The following CTNNA3 variants were observed in gnomAD, a reference collection of about 807,000 sequenced individuals.
CTNNA3 encodes catenin alpha 3, also known as catenin alpha-3.
In CTNNA3, 76 loss-of-function variants were observed where a neutral mutation model predicts 95.7. That is an observed-to-expected ratio of 0.79 (90% CI 0.66 to 0.96). The LOEUF is 0.96. Among genes scored for constraint, CTNNA3 ranks in the 40% least tolerant of loss-of-function variants. The pLI, the probability that CTNNA3 is intolerant of heterozygous loss-of-function variation, is 0.00. For synonymous variants in CTNNA3, 431 were observed against 374.4 expected (o/e 1.15, Z -1.74); for missense variants, 1,191 against 1,089.8 (o/e 1.09, Z -1.31).
chr10:66,973,057 C>A (rs933232202), intron 7 of CTNNA3, among the ~76,000 whole-genome samples: 3 of 152,150 alleles, frequency 2.0e-5, no homozygotes, highest in Non-Finnish European at 4.4e-5. Context: ...TAGTAATACA[C>A]TTGAGGAGGG....
intron 13 of CTNNA3, among the ~76,000 whole-genome samples, chr10:66,133,461 C>T (rs570972725): frequency 3.4e-4 from 52 of 150,946 alleles, no homozygotes; most frequent in African/African-American, 1.2e-3. Flanking sequence ...TGCAGTGAGC[C>T]GAGATCACGC....
chr10:66,118,224 T>A (rs1193216575), intron 13 of CTNNA3: 2 of 152,220 alleles, frequency 1.3e-5, no homozygotes, highest in Non-Finnish European at 2.9e-5. Flanking sequence ...GCTTTCCTTA[T>A]GTCTTTGCTT....
chr10:65,997,929 C>T (rs569892988), intron 15 of CTNNA3, among the ~76,000 whole-genome samples: 10 of 152,184 alleles, frequency 6.6e-5, no homozygotes, highest in South Asian at 6.2e-4. Flanking sequence ...GCAGGAGAAT[C>T]GCTCGAACTC....
chr10:67,388,252 A>G (rs1844285549), intron 5 of CTNNA3, among the ~76,000 whole-genome samples: 1 of 126,338 alleles, frequency 7.9e-6, no homozygotes, highest in Admixed American at 8.6e-5. Flanking sequence ...CTCGAGAACT[A>G]CGTGAAGAAT....
At chr10:66,424,728 T>C (rs901967118) in intron 11 of CTNNA3, among the ~76,000 whole-genome samples, 1 of 152,106 alleles carries the variant, frequency 6.6e-6, no homozygotes, top group African/African-American at 2.4e-5. Context: ...CATAACACTG[T>C]GTGTGTGAAG....
intron 1 of CTNNA3, among the ~76,000 whole-genome samples, chr10:67,712,632 G>A (rs1841118419): frequency 6.6e-6 from 1 of 152,178 alleles, no homozygotes; most frequent in East Asian, 1.9e-4. Flanking sequence ...GCCTGCAAGT[G>A]CAGAGAAGTC....
intron 7 of CTNNA3, among the ~76,000 whole-genome samples, chr10:66,944,824 T>C (rs1336305803): frequency 6.6e-6 from 1 of 152,202 alleles, no homozygotes; most frequent in Non-Finnish European, 1.5e-5. Context: ...TCTCCATGTA[T>C]ATGTCCATCA....
At chr10:67,762,465 C>T (rs1241588939) in intron 1 of CTNNA3, among the ~76,000 whole-genome samples, 1 of 148,202 alleles carries the variant, frequency 6.7e-6, no homozygotes, top group Admixed American at 6.8e-5. Flanking sequence ...AGCTTTTAAG[C>T]GAGTGAAGAG....
chr10:66,839,861 G>T lies in CTNNA3; in HGVS notation c.1048-64337C>A, dbSNP rs554921037. On this transcript the variant is annotated intron_variant, in intron 7 of 17. Transcript: ENST00000433211. ...AATAATTTATACACTTTACTCCTTA[G>T]TGAAATCCAGGACTTTTGATGATAT... Among the ~76,000 whole-genome samples, 276 of 152,166 alleles carry T rather than the reference G, an allele frequency of 1.8e-3. 2 individuals carry two copies. The highest frequency in any genetic ancestry group is 6.5e-3 in the African/African-American group (268 of 41,528).
chr10:67,040,420 C>T (rs913496610), intron 7 of CTNNA3, among the ~76,000 whole-genome samples: 7 of 152,014 alleles, frequency 4.6e-5, no homozygotes, highest in African/African-American at 1.7e-4. Flanking sequence ...AAAGGTCAAA[C>T]AATTTGGATG....
intron 5 of CTNNA3, among the ~76,000 whole-genome samples, chr10:67,373,042 T>C (rs1843541805): frequency 6.6e-6 from 1 of 152,054 alleles, no homozygotes; most frequent in Non-Finnish European, 1.5e-5. Context: ...GTAAAGACCA[T>C]CGAGGCTAGG....
chr10:67,691,760 T>TG (rs1376707226), intron 1 of CTNNA3, among the ~76,000 whole-genome samples: 4 of 139,198 alleles, frequency 2.9e-5, no homozygotes, highest in Admixed American at 7.1e-5. Flanking sequence ...GGGAGGGAGG[T>TG]GGGGGGGTCA....
intron 3 of CTNNA3, among the ~76,000 whole-genome samples, chr10:67,554,924 T>C (rs575145859): frequency 6.6e-6 from 1 of 152,350 alleles, no homozygotes; most frequent in Non-Finnish European, 1.5e-5. Context: ...CTGGAATTAA[T>C]TTTTGTATAA....
intron 11 of CTNNA3, among the ~76,000 whole-genome samples, chr10:66,494,344 T>A (rs780326288): frequency 4.6e-5 from 7 of 152,236 alleles, no homozygotes; most frequent in Admixed American, 6.5e-5. Flanking sequence ...ATTAAAGTAA[T>A]GTGTAGCAGA....
At chr10:67,052,128 C>T (rs1046905257) in intron 7 of CTNNA3, among the ~76,000 whole-genome samples, 1 of 152,138 alleles carries the variant, frequency 6.6e-6, no homozygotes, top group African/African-American at 2.4e-5. Flanking sequence ...AAAGAAACCA[C>T]CTTACCTAGT....
chr10:67,555,551 T>C (rs982560565), intron 3 of CTNNA3, among the ~76,000 whole-genome samples: 2 of 152,218 alleles, frequency 1.3e-5, no homozygotes, highest in African/African-American at 4.8e-5. Context: ...TTTAGCTCTC[T>C]GTTTGTCTGT....
chr10:66,178,759 A>G (rs560980527), intron 13 of CTNNA3, among the ~76,000 whole-genome samples: 21 of 152,060 alleles, frequency 1.4e-4, no homozygotes, highest in Admixed American at 1.1e-3. Flanking sequence ...ATACATGAGC[A>G]GATAATTTAT....
At chr10:66,731,559 C>A (rs1240643644) in intron 9 of CTNNA3, among the ~76,000 whole-genome samples, 1 of 152,082 alleles carries the variant, frequency 6.6e-6, no homozygotes, top group Non-Finnish European at 1.5e-5. Context: ...AGCTAAGGAC[C>A]TACAACCACA....
At chr10:67,045,042 C>A (rs1484645967) in intron 7 of CTNNA3, among the ~76,000 whole-genome samples, 3 of 152,254 alleles carry the variant, frequency 2.0e-5, no homozygotes, top group African/African-American at 7.2e-5. Context: ...AATAGCATAG[C>A]TTTTGAACAA....
Sources: gnomAD v4.1 joint callset for allele counts (sites outside exome capture counted in the v4.1 genomes callset) on GRCh38, gnomAD v4.1.1 for gene constraint, MANE v1.5 for transcripts, NCBI Gene and HGNC (gene_info 2026-07-23, HGNC 2026-07-21) for gene names.